The following RASGRF1 variants were observed in gnomAD, a reference collection of about 807,000 sequenced individuals.
RASGRF1 encodes ras-specific guanine nucleotide-releasing factor 1.
In RASGRF1, 40 loss-of-function variants were observed where a neutral mutation model predicts 138.7. The ratio of observed to expected loss-of-function variants is 0.29; its 90% CI spans 0.22 to 0.38. RASGRF1 has a LOEUF of 0.38. Ranked by LOEUF, RASGRF1 falls within the 10% of genes least tolerant of loss-of-function variation. The pLI is 1.00. For synonymous variants in RASGRF1, 614 were observed against 663.2 expected, an observed-to-expected ratio of 0.93 and a Z score of 1.14; for missense variants, 1,108 against 1,650.4, an observed-to-expected ratio of 0.67 and a Z score of 5.69.
At chr15:79,041,442 T>C (rs978073242) in intron 5 of RASGRF1, among the ~76,000 whole-genome samples, 2 of 152,190 alleles carry the variant, frequency 1.3e-5, no homozygotes, top group African/African-American at 4.8e-5. Context: ...AAAAGAAATC[T>C]TTATTTAAGT....
rs2055550307 is a variant in RASGRF1, at chr15:78,961,910, A to G, written c.*234T>C. 6.2e-6 allele frequency: 3 copies of G among 484,162 alleles called. No individual in the cohort carries two copies. The highest frequency in any genetic ancestry group is 1.1e-5 in the Non-Finnish European group (3 of 267,496). 30.0% of individuals were successfully genotyped at this position (484,162 alleles called of 1,614,324 possible). A position where few individuals can be genotyped will look rare whatever the true frequency, so the allele number is the denominator to read the frequency against. The stretch of plus-strand genomic sequence containing the variant: ...AGTCTAGGGAAGAGGGACCAAGAGT[A>G]CAGCTGTTTAAAAGAAACAGGCACT... On this transcript the variant is annotated 3_prime_UTR_variant, in exon 27 of 27. Transcript: ENST00000558480.
rs1000188225 is a variant in RASGRF1 at position 79,050,649 on chromosome 15, A to C, written c.532-1061T>G. Among the ~76,000 whole-genome samples the C allele has an allele frequency of 1.3e-5, 2 of 152,232 alleles. No homozygotes were observed. Among genetic ancestry groups the C allele is most frequent in the African/African-American group, 4.8e-5 (2 of 41,464 alleles). On this transcript the variant is annotated intron_variant, in intron 3 of 26. Transcript: ENST00000558480. The surrounding 1 kb of genome is among the most constrained non-coding windows in gnomAD (Gnocchi z 4.1). ...TCCATTTGCATAATTTGGGGATCAC[A>C]GATGTCGACATAGCTGCAAGAACAA... is the stretch of plus-strand genomic sequence containing the variant.
rs981036167 is a variant in RASGRF1, at chr15:79,090,071, G to T, written c.276+152C>A. The T allele has an allele frequency of 1.0e-5, 12 of 1,183,852 alleles. No homozygotes were observed. In the South Asian group the frequency reaches 2.0e-4, roughly 20 times the overall value. The allele number at this position is 1,183,852 out of a possible 1,614,324, so 73.3% of individuals were successfully genotyped here. A position where few individuals can be genotyped will look rare whatever the true frequency, so the allele number is the denominator to read the frequency against. On this transcript the variant is annotated intron_variant, in intron 1 of 26. Coordinates refer to ENST00000558480, the MANE Select transcript of RASGRF1 (RefSeq NM_001145648.3). ...GCCGCAGTCACTCGCCTGGCTGGGA[G>T]CAAGCCTCCCCTCTCGCTGAGGGTG... is the stretch of plus-strand genomic sequence containing the variant.
chr15:79,004,259 C>G, intron 14 of RASGRF1, 84 bp from the exon 15 acceptor site: 1 of 1,460,148 alleles, frequency 6.8e-7, no homozygotes, highest in Non-Finnish European at 9.1e-7. Flanking sequence ...CGGTGGGGCT[C>G]GGAGTGGCAG....
intron 1 of RASGRF1, among the ~76,000 whole-genome samples, chr15:79,077,086 G>C (rs758635433): frequency 9.9e-5 from 15 of 152,208 alleles, no homozygotes; most frequent in Non-Finnish European, 2.1e-4. Flanking sequence ...ACAGGGCACA[G>C]GGCAGTCCTT....
chr15:78,971,799 G>A, intron 26 of RASGRF1, 67 bp downstream of exon 26: 4 of 1,397,586 alleles, frequency 2.9e-6, no homozygotes, highest in Non-Finnish European at 4.1e-6. Context: ...GAGGGGACAG[G>A]GTGGAAGGTG....
At chr15:78,990,829 G>A (rs945556439) in intron 21 of RASGRF1, among the ~76,000 whole-genome samples, 6 of 152,216 alleles carry the variant, frequency 3.9e-5, no homozygotes, top group Non-Finnish European at 7.3e-5. Context: ...AACACATCCC[G>A]CTTCTCCTCC....
intron 3 of RASGRF1, among the ~76,000 whole-genome samples, chr15:79,057,845 C>T (rs2057531281): frequency 6.6e-6 from 1 of 152,192 alleles, no homozygotes; most frequent in Non-Finnish European, 1.5e-5. Flanking sequence ...TGGGCCGCTG[C>T]AGGAGCTTTC....
At chr15:78,967,195 A>G (rs2055660426) in intron 26 of RASGRF1, among the ~76,000 whole-genome samples, 1 of 151,992 alleles carries the variant, frequency 6.6e-6, no homozygotes, top group South Asian at 2.1e-4. Context: ...GTGAGCTATG[A>G]TTGTGTCACT....
At chr15:79,012,539 A>G in intron 13 of RASGRF1, 1 of 1,614,018 alleles carries the variant, frequency 6.2e-7, no homozygotes, top group East Asian at 2.2e-5. Context: ...TGTGAAGAAA[A>G]CCAGGCTTTA....
rs1441138145 is a variant in RASGRF1 at position 79,050,242 on chromosome 15, C to T, written c.532-654G>A. On this transcript the variant is annotated intron_variant, in intron 3 of 26. Coordinates refer to ENST00000558480, the MANE Select transcript of RASGRF1 (RefSeq NM_001145648.3). The surrounding 1 kb of genome is among the most constrained non-coding windows in gnomAD (Gnocchi z 4.1). ...TCTAGGTACCTCATCTAAGCGGAAT[C>T]ATGCACTATTTGTCTTTCTGTGACC... Among the ~76,000 whole-genome samples, 1 of 152,220 alleles carries T rather than the reference C, an allele frequency of 6.6e-6. No individual in the cohort carries two copies. The highest frequency in any genetic ancestry group is 6.5e-5 in the Admixed American group (1 of 15,286).
intron 1 of RASGRF1, among the ~76,000 whole-genome samples, chr15:79,080,133 T>C (rs1002285253): frequency 1.4e-5 from 2 of 139,086 alleles, no homozygotes; most frequent in African/African-American, 5.4e-5. Context: ...GCAATGACTA[T>C]CTCATAACTA....
chr15:79,006,033 G>GGGCAGTGGC lies in RASGRF1; in HGVS notation c.2075+144_2075+152dup. ...GGGAGGCTTGGTTCCTGGGGAGAGG[G>GGGCAGTGGC]GGCAGTGGCGGTGTGTGTCCCGCAG... On this transcript the variant is annotated intron_variant, in intron 14 of 26. Transcript: ENST00000558480. This position sits in a 1 kb window ranked among gnomAD's most constrained non-coding sequence, Gnocchi z 4.0. 1 of 1,127,310 alleles carries GGGCAGTGGC rather than the reference G, an allele frequency of 8.9e-7. No homozygotes were observed. Among genetic ancestry groups the GGGCAGTGGC allele is most frequent in the South Asian group, 1.5e-5 (1 of 64,720 alleles). 69.8% of individuals were successfully genotyped at this position (1,127,310 alleles called of 1,614,324 possible).
At position 79,004,234 on chromosome 15, in the gene RASGRF1, C is replaced by A. The variant is rs139449644; in HGVS notation, c.2076-59G>T. The stretch of plus-strand genomic sequence containing the variant: ...GCGTAGGCCTGCCTGCCCGCCTAGG[C>A]CTGGGGGCCGTCTCCGGTGGGGCTC... On this transcript the variant is annotated intron_variant, in intron 14 of 26. Transcript: ENST00000558480. 487 of 1,502,186 alleles carry A rather than the reference C, an allele frequency of 3.2e-4. 1 individual carries two copies. The African/African-American group carries it at 5.6e-3, about 17-fold the overall frequency. 93.1% of individuals were successfully genotyped at this position (1,502,186 alleles called of 1,614,324 possible).
intron 1 of RASGRF1, among the ~76,000 whole-genome samples, chr15:79,074,197 G>A (rs1370421567): frequency 1.3e-5 from 2 of 152,212 alleles, no homozygotes; most frequent in Admixed American, 1.3e-4. Context: ...GATCCCTAGG[G>A]GTATGGCTGG....
Position 79,090,545 on chromosome 15 carries a change from G to A in RASGRF1, c.-47C>T, listed in dbSNP as rs769681240. The A allele has an allele frequency of 3.1e-5, 49 of 1,589,172 alleles. No individual in the cohort carries two copies. The highest frequency in any genetic ancestry group is 3.8e-5 in the Non-Finnish European group (44 of 1,169,162). Reference sequence around the variant, plus strand: ...CCCCACGCGCTTACATCTTCTCCGCGCAGCAGCCCCCCGTCCGTGCGCGCT... The same window carrying A: ...CCCCACGCGCTTACATCTTCTCCGCACAGCAGCCCCCCGTCCGTGCGCGCT... On this transcript the variant is annotated 5_prime_UTR_variant, in exon 1 of 27. Transcript: ENST00000558480.
At chr15:79,084,455 C>G (rs2057952935) in intron 1 of RASGRF1, among the ~76,000 whole-genome samples, 1 of 152,240 alleles carries the variant, frequency 6.6e-6, no homozygotes, top group African/African-American at 2.4e-5. Context: ...CTCTGCCCAG[C>G]TGGCACTATT....
In RASGRF1 at chr15:79,084,323, C is replaced by T. The variant is rs567450689; in HGVS notation, c.276+5900G>A. 3.4e-4 allele frequency among the ~76,000 whole-genome samples: 51 copies of T among 151,690 alleles called. 1 individual carries two copies. In the South Asian group the frequency reaches 8.2e-3, roughly 24 times the overall value. ...AACTGAAATCCTAGTGTAGACGAGC[C>T]GCCAAATTCAACTTCCCAGTGCTGG... On this transcript the variant is annotated intron_variant, in intron 1 of 26. Transcript: ENST00000558480.
intron 6 of RASGRF1, among the ~76,000 whole-genome samples, chr15:79,033,585 T>TTC (rs1555458498): frequency 1.1e-4 from 14 of 133,196 alleles, no homozygotes; most frequent in African/African-American, 3.3e-4. Flanking sequence ...TCTTTTCTTT[T>TTC]TTTTTTTTTT....
Sources: gnomAD v4.1 joint callset for allele counts (sites outside exome capture counted in the v4.1 genomes callset) on GRCh38, gnomAD v4.1.1 for gene constraint, Gnocchi (gnomAD v3.1) non-coding constraint, MANE v1.5 for transcripts, NCBI Gene and HGNC (gene_info 2026-07-23, HGNC 2026-07-21) for gene names.